Variants in PLEKHM3 observed in about 807,000 individuals in gnomAD.
PLEKHM3 encodes pleckstrin homology domain containing M3.
In PLEKHM3, 45 loss-of-function variants were observed where a neutral mutation model predicts 81.8. The ratio of observed to expected loss-of-function variants is 0.55; its 90% CI spans 0.43 to 0.71. The LOEUF (loss-of-function observed/expected upper bound fraction) is 0.71. Ranked by LOEUF, PLEKHM3 falls within the 30% of genes least tolerant of loss-of-function variation. The pLI is 0.00. For synonymous variants in PLEKHM3, 352 were observed against 356.4 expected, an observed-to-expected ratio of 0.99 and a Z score of 0.14; for missense variants, 788 against 924.3, an observed-to-expected ratio of 0.85 and a Z score of 1.91.
intron 6 of PLEKHM3, chr2:207,901,220 C>T (rs748219215): frequency 3.3e-5 from 23 of 702,410 alleles, no homozygotes; most frequent in Non-Finnish European, 4.9e-5. Flanking sequence ...TCCTTAGTGC[C>T]GCACATTTGC....
chr2:208,000,378 C>T (rs1190449492), intron 2 of PLEKHM3, among the ~76,000 whole-genome samples: 2 of 152,286 alleles, frequency 1.3e-5, no homozygotes, highest in East Asian at 3.9e-4. Context: ...TTCCATGTCC[C>T]CTTGCAAGCC....
chr2:207,866,545 G>A (rs767427820), intron 6 of PLEKHM3, among the ~76,000 whole-genome samples: 1 of 152,208 alleles, frequency 6.6e-6, no homozygotes, highest in Non-Finnish European at 1.5e-5. Context: ...ACTCAATGTA[G>A]AGTGAACTGG....
chr2:207,882,423 C>A (rs1438803157), intron 6 of PLEKHM3, among the ~76,000 whole-genome samples: 1 of 151,846 alleles, frequency 6.6e-6, no homozygotes, highest in South Asian at 2.1e-4. Context: ...ACCAGCCTCA[C>A]CAACATGGTG....
chr2:208,019,973 ATG>A (rs957284939), intron 1 of PLEKHM3, among the ~76,000 whole-genome samples: 2 of 152,272 alleles, frequency 1.3e-5, no homozygotes, highest in Non-Finnish European at 2.9e-5. Context: ...GATCAAGAGC[ATG>A]TAGGAGGAGA....
chr2:207,868,850 A>G (rs961711491), intron 6 of PLEKHM3: 2 of 152,140 alleles, frequency 1.3e-5, no homozygotes, highest in Non-Finnish European at 2.9e-5. Flanking sequence ...AATTAATGTA[A>G]AGCAGTCACA....
chr2:207,936,721 G>T lies in PLEKHM3; in HGVS notation c.1693-5602C>A, dbSNP rs1384504450. Among the ~76,000 whole-genome samples the T allele has an allele frequency of 2.0e-5, 3 of 151,912 alleles. No individual in the cohort carries two copies. The South Asian group carries it at 6.2e-4, about 32-fold the overall frequency. ...TAGGAAGTTATCTACAGATAGTTTT[G>T]CTTATCAATGAAAAAAAATTATATT... On this transcript the variant is annotated intron_variant, in intron 4 of 7. Coordinates refer to ENST00000427836, the MANE Select transcript of PLEKHM3 (RefSeq NM_001080475.3).
chr2:207,834,294 C>T (rs1020059441), intron 7 of PLEKHM3, among the ~76,000 whole-genome samples: 1 of 151,976 alleles, frequency 6.6e-6, no homozygotes, highest in Non-Finnish European at 1.5e-5. Flanking sequence ...CTAAGCCTGG[C>T]TAATTTTGTA....
At chr2:207,835,874 T>C (rs1294943479) in intron 7 of PLEKHM3, among the ~76,000 whole-genome samples, 3 of 152,224 alleles carry the variant, frequency 2.0e-5, no homozygotes, top group African/African-American at 4.8e-5. Flanking sequence ...TCAAGTTTTT[T>C]GGGGGGATGG....
intron 2 of PLEKHM3, among the ~76,000 whole-genome samples, chr2:208,000,430 C>A (rs1216365385): frequency 6.6e-6 from 1 of 152,220 alleles, no homozygotes. Context: ...TCTTCTCCTT[C>A]TTCTGTCCTT....
At position 207,822,321 on chromosome 2, in the gene PLEKHM3, GAT is replaced by G. The variant is rs1363939311; in HGVS notation, c.*5996_*5997del. On this transcript the variant is annotated 3_prime_UTR_variant, in exon 8 of 8. Coordinates refer to ENST00000427836, the MANE Select transcript of PLEKHM3 (RefSeq NM_001080475.3). ...AAAAGAAAACCTTTGAAAGGTGAAA[GAT>G]AAGAAAATCCTTGTGTTTGTGTAAT... The G allele has an allele frequency of 2.6e-5, 4 of 152,640 alleles. No homozygotes were observed. Among genetic ancestry groups the G allele is most frequent in the Non-Finnish European group, 5.9e-5 (4 of 68,034 alleles). The allele number at this position is 152,640 out of a possible 1,614,324, so 9.5% of individuals were successfully genotyped here. A position where few individuals can be genotyped will look rare whatever the true frequency, so the allele number is the denominator to read the frequency against.
At chr2:207,897,607 G>A (rs1449912102) in intron 6 of PLEKHM3, among the ~76,000 whole-genome samples, 1 of 152,078 alleles carries the variant, frequency 6.6e-6, no homozygotes, top group Admixed American at 6.5e-5. Flanking sequence ...ACATAGACAG[G>A]CAGCCTCCAA....
intron 7 of PLEKHM3, among the ~76,000 whole-genome samples, chr2:207,829,525 C>T (rs1306330615): frequency 2.0e-5 from 3 of 152,188 alleles, no homozygotes; most frequent in Non-Finnish European, 4.4e-5. Flanking sequence ...GATCCACCCG[C>T]CTCGGCTTCC....
chr2:208,016,668 A>ACACACACACACACACAC (rs11436592), intron 1 of PLEKHM3, among the ~76,000 whole-genome samples: 21 of 61,550 alleles, frequency 3.4e-4, no homozygotes, highest in East Asian at 1.0e-3. Flanking sequence ...AAAAAAAAAA[A>ACACACACACACACACAC]ATACACACAC....
Position 207,823,632 on chromosome 2 carries a change from T to A in PLEKHM3, c.*4687A>T, listed in dbSNP as rs2092232398. 6.6e-6 allele frequency: 1 copy of A among 152,204 alleles called. No individual in the cohort carries two copies. Among genetic ancestry groups the A allele is most frequent in the African/African-American group, 2.4e-5 (1 of 41,434 alleles). 9.4% of individuals were successfully genotyped at this position (152,204 alleles called of 1,614,324 possible). A position where few individuals can be genotyped will look rare whatever the true frequency, so the allele number is the denominator to read the frequency against. ...TTTTTATTTTTAGTATAGACCTGAT[T>A]TCACCATTTTTGGCCCGGCTGGTCT... is the stretch of plus-strand genomic sequence containing the variant. On this transcript the variant is annotated 3_prime_UTR_variant, in exon 8 of 8. Coordinates refer to ENST00000427836, the MANE Select transcript of PLEKHM3 (RefSeq NM_001080475.3).
chr2:208,005,841 T>C (rs942767817), intron 1 of PLEKHM3, among the ~76,000 whole-genome samples: 1 of 152,214 alleles, frequency 6.6e-6, no homozygotes, highest in African/African-American at 2.4e-5. Flanking sequence ...GTTGAACAAA[T>C]GCATTGTTGT....
intron 7 of PLEKHM3, among the ~76,000 whole-genome samples, chr2:207,833,097 G>C (rs2092297550): frequency 7.9e-6 from 1 of 126,626 alleles, no homozygotes; most frequent in South Asian, 2.5e-4. Flanking sequence ...GGGTGACAGA[G>C]CAAGACACCA....
intron 3 of PLEKHM3, among the ~76,000 whole-genome samples, chr2:207,965,647 T>C (rs1690885059): frequency 6.6e-6 from 1 of 152,254 alleles, no homozygotes; most frequent in South Asian, 2.1e-4. Context: ...AAACACAAAT[T>C]ATATAACATT....
intron 6 of PLEKHM3, among the ~76,000 whole-genome samples, chr2:207,882,786 T>A (rs992726497): frequency 1.3e-5 from 2 of 152,226 alleles, no homozygotes; most frequent in African/African-American, 4.8e-5. Flanking sequence ...TCAGTCATAC[T>A]GAACTACACA....
intron 6 of PLEKHM3, among the ~76,000 whole-genome samples, chr2:207,902,913 G>GT (rs929420260): frequency 6.9e-6 from 1 of 145,234 alleles, no homozygotes; most frequent in African/African-American, 2.5e-5. Flanking sequence ...GTTGCTTAGT[G>GT]TAAGTGTGTA....
Sources: allele counts gnomAD v4.1 joint callset (sites outside exome capture counted in the v4.1 genomes callset), GRCh38; gene constraint gnomAD v4.1.1; transcripts MANE v1.5; gene names NCBI Gene and HGNC (gene_info 2026-07-23, HGNC 2026-07-21).